Variants in STAU1 observed in about 807,000 individuals in gnomAD.
STAU1 encodes the protein staufen double-stranded RNA binding protein 1.
Under a neutral mutation model 62.9 loss-of-function variants are expected in STAU1, and 13 were observed. The observed-to-expected ratio is 0.21, with a 90% CI of 0.13 to 0.33. The LOEUF (loss-of-function observed/expected upper bound fraction) is 0.33. Among genes scored for constraint, STAU1 ranks in the 10% least tolerant of loss-of-function variants. The pLI is 1.00. For synonymous variants in STAU1, 269 were observed against 265.1 expected (o/e 1.01, Z -0.14); for missense variants, 571 against 712.1 (o/e 0.80, Z 2.25).
chr20:49,119,991 T>C lies in STAU1; in HGVS notation c.1104A>G (p.Ser368=), dbSNP rs769245331. ...AGCCCACAGCACTCACCTTCTCCTC[T>C]GACTTGAGTGCGGGTTTGGTGGGCT... ...QAQPTKPALK[S]EEKTPIKKPG... is the part of the protein sequence containing the mutation. The change falls in exon 9 of 14, where the codon TCA becomes TCG. Residue 368 remains serine, a synonymous_variant. Coordinates refer to ENST00000371856, the MANE Select transcript of STAU1 (RefSeq NM_017453.4). 1 of 1,614,084 alleles carries C rather than the reference T, an allele frequency of 6.2e-7. No individual in the cohort carries two copies. Among genetic ancestry groups the C allele is most frequent in the Admixed American group, 1.7e-5 (1 of 60,012 alleles).
intron 5 of STAU1, among the ~76,000 whole-genome samples, chr20:49,141,380 G>A (rs935706669): frequency 6.6e-6 from 1 of 152,172 alleles, no homozygotes; most frequent in African/African-American, 2.4e-5. Context: ...TTTGAAGTCA[G>A]GAGTTCAAGA....
At chr20:49,151,439 G>T in intron 5 of STAU1, 143 bp downstream of exon 5, 2 of 807,950 alleles carry the variant, frequency 2.5e-6, no homozygotes, top group Non-Finnish European at 3.5e-6. Context: ...GAAAGCTACA[G>T]AGCATAAAAT....
the STAU1 span, among the ~76,000 whole-genome samples, chr20:49,199,549 T>TC: frequency 6.6e-6 from 1 of 150,966 alleles, no homozygotes; most frequent in Non-Finnish European, 1.5e-5. Flanking sequence ...TATTCTTTAT[T>TC]TTTATTTTTA....
At chr20:49,163,052 C>T (rs1050780829) in intron 3 of STAU1, among the ~76,000 whole-genome samples, 1 of 151,976 alleles carries the variant, frequency 6.6e-6, no homozygotes, top group African/African-American at 2.4e-5. Flanking sequence ...ATTAGCTGGG[C>T]ATGGTGGCGT....
At chr20:49,161,696 C>T (rs950323090) in intron 3 of STAU1, among the ~76,000 whole-genome samples, 17 of 152,190 alleles carry the variant, frequency 1.1e-4, no homozygotes, top group African/African-American at 4.1e-4. Flanking sequence ...GAAGTGAAAA[C>T]GTTAAGAGCA....
chr20:49,181,766 CAAAAAAAAAAAAA>C (rs758956478), intron 1 of STAU1, among the ~76,000 whole-genome samples: 2 of 24,522 alleles, frequency 8.2e-5, no homozygotes, highest in East Asian at 1.8e-3. Flanking sequence ...ACTATCTCAA[CAAAAAAAAAAAAA>C]AAAAAAAAAA....
At chr20:49,215,548 G>A in the STAU1 span, among the ~76,000 whole-genome samples, 8 of 152,300 alleles carry the variant, frequency 5.3e-5, no homozygotes, top group African/African-American at 1.9e-4. Context: ...GTCCACAGCA[G>A]AGCTTAGAAC....
chr20:49,181,766 CAAAAAAAAAAAAAAAA>C (rs758956478), intron 1 of STAU1, among the ~76,000 whole-genome samples: 2 of 24,524 alleles, frequency 8.2e-5, no homozygotes, highest in Non-Finnish European at 7.1e-5. Context: ...ACTATCTCAA[CAAAAAAAAAAAAAAAA>C]AAAAAAAAAA....
chr20:49,186,340 T>C (rs2093786929), intron 1 of STAU1, among the ~76,000 whole-genome samples: 1 of 148,450 alleles, frequency 6.7e-6, no homozygotes, highest in Non-Finnish European at 1.5e-5. Context: ...CGTGAGACTG[T>C]CTCAAAAAAA....
Position 49,117,967 on chromosome 20 carries a change from G to C in STAU1, c.1319C>G (p.Thr440Ser), listed in dbSNP as rs756908294. 1.2e-6 allele frequency: 2 copies of C among 1,614,208 alleles called. No individual in the cohort carries two copies. The highest frequency in any genetic ancestry group is 2.2e-5 in the South Asian group (2 of 91,082). Residue 440 changes from threonine to serine, a missense_variant, in exon 11 of 14, where the codon ACC becomes AGC. Physicochemically the swap from Thr to Ser is moderately conservative, Grantham distance 58. This residue lies in a region of STAU1 where 156 missense variants were observed against 194.7 expected (regional missense o/e 0.80). Coordinates refer to ENST00000371856, the MANE Select transcript of STAU1 (RefSeq NM_017453.4). This position sits in a 1 kb window ranked among gnomAD's most constrained non-coding sequence, Gnocchi z 4.6. The part of the protein sequence containing the change: ...VSQGHHTKDF[T>S]RAAPNPAKAT... ...CTTGGCAGGATTCGGAGCTGCCCTG[G>C]TAAAATCTTTGGTGTGATGTCCTTG...
chr20:49,126,933 T>C (rs2092641147), intron 6 of STAU1, among the ~76,000 whole-genome samples: 1 of 151,760 alleles, frequency 6.6e-6, no homozygotes, highest in Non-Finnish European at 1.5e-5. Context: ...AGACCTAGGA[T>C]CACTTAAATG....
intron 10 of STAU1, 35 bp downstream of exon 10, chr20:49,118,298 C>A (rs368276961): frequency 1.3e-6 from 2 of 1,581,206 alleles, no homozygotes; most frequent in East Asian, 2.2e-5. Flanking sequence ...CCCAGAATCA[C>A]GTTCAGAGGA....
the STAU1 span, among the ~76,000 whole-genome samples, chr20:49,201,754 A>AG: frequency 6.7e-6 from 1 of 149,296 alleles, no homozygotes; most frequent in Non-Finnish European, 1.5e-5. Context: ...AAAAAAAAAA[A>AG]AAAAAAATGG....
intron 6 of STAU1, among the ~76,000 whole-genome samples, chr20:49,129,630 C>CTTTTTT (rs558925613): frequency 4.1e-5 from 4 of 96,654 alleles, no homozygotes; most frequent in East Asian, 3.0e-4. Context: ...AGTTTGGCAA[C>CTTTTTT]TTTTTTTTTT....
At chr20:49,189,493 G>A (rs908859841), upstream of STAU1, among the ~76,000 whole-genome samples, 1 of 149,334 alleles carries the variant, frequency 6.7e-6, no homozygotes, top group African/African-American at 2.5e-5. Context: ...AGTGGTGGGC[G>A]CCTGTAATCA....
intron 6 of STAU1, among the ~76,000 whole-genome samples, chr20:49,128,693 G>C (rs73611342): frequency 1.4e-5 from 2 of 141,482 alleles, no homozygotes; most frequent in Admixed American, 7.7e-5. Context: ...CAGCCTGGGC[G>C]ACAAGAGCAA....
intron 3 of STAU1, among the ~76,000 whole-genome samples, chr20:49,155,286 T>G (rs1379040884): frequency 1.3e-5 from 2 of 152,232 alleles, no homozygotes; most frequent in African/African-American, 2.4e-5. Context: ...TCTAATGAAT[T>G]TGACCTGTGG....
chr20:49,152,621 T>C (rs1339141640), intron 4 of STAU1, among the ~76,000 whole-genome samples: 1 of 152,108 alleles, frequency 6.6e-6, no homozygotes, highest in Non-Finnish European at 1.5e-5. Flanking sequence ...ATTACAGGCG[T>C]GAGCCACCAC....
At chr20:49,143,504 G>C (rs2093054719) in intron 5 of STAU1, among the ~76,000 whole-genome samples, 1 of 152,288 alleles carries the variant, frequency 6.6e-6, no homozygotes, top group Non-Finnish European at 1.5e-5. Flanking sequence ...GAGATGGGAA[G>C]ATCACTTGAG....
Sources: allele counts gnomAD v4.1 joint callset (sites outside exome capture counted in the v4.1 genomes callset), GRCh38; gene constraint gnomAD v4.1.1; regional missense constraint gnomAD v4.1.1; non-coding constraint Gnocchi (gnomAD v3.1); transcripts MANE v1.5; gene names NCBI Gene and HGNC (gene_info 2026-07-23, HGNC 2026-07-21).